The following ACBD5 variants were observed in gnomAD, a reference collection of about 807,000 sequenced individuals.
ACBD5 encodes acyl-CoA binding domain containing 5, also known as acyl-CoA-binding domain-containing protein 5.
Under a neutral mutation model 71.8 loss-of-function variants are expected in ACBD5, and 40 were observed. That is an observed-to-expected ratio of 0.56 (90% CI 0.43 to 0.72). The LOEUF (loss-of-function observed/expected upper bound fraction) is 0.72, where lower values mean the gene tolerates loss of function less well. ACBD5 is among the 30% of genes least tolerant of loss of function. ACBD5 has a pLI of 0.00. For synonymous variants in ACBD5, 229 were observed against 218.6 expected (o/e 1.05, Z -0.42); for missense variants, 559 against 644.5 (o/e 0.87, Z 1.44).
At chr10:27,216,721 T>C (rs1320052415) in intron 7 of ACBD5, among the ~76,000 whole-genome samples, 1 of 152,200 alleles carries the variant, frequency 6.6e-6, no homozygotes, top group African/African-American at 2.4e-5. Context: ...AAATATTTTA[T>C]CATTGAATTC....
chr10:27,219,646 A>G, intron 6 of ACBD5, 77 bp downstream of exon 6: 1 of 1,581,548 alleles, frequency 6.3e-7, no homozygotes, highest in East Asian at 2.3e-5. Flanking sequence ...CTTCTACAAT[A>G]CCAAATCAGC....
At position 27,196,260 on chromosome 10, in the gene ACBD5, AT is replaced by A. The variant is rs1367037910; in HGVS notation, c.*1169del. The A allele has an allele frequency of 2.2e-6, 1 of 454,114 alleles. No homozygotes were observed. 28.1% of individuals were successfully genotyped at this position (454,114 alleles called of 1,614,324 possible). A position where few individuals can be genotyped will look rare whatever the true frequency, so the allele number is the denominator to read the frequency against. On this transcript the variant is annotated 3_prime_UTR_variant, in exon 13 of 13. Transcript: ENST00000396271. ...AAGAAATCTTCAAAGCACAAGGTAC[AT>A]CTAAGTGAGCAGGAAGTTTTGGAAG...
At chr10:27,224,342 G>A (rs2062745107) in intron 4 of ACBD5, among the ~76,000 whole-genome samples, 1 of 152,046 alleles carries the variant, frequency 6.6e-6, no homozygotes, top group African/African-American at 2.4e-5. Context: ...ACACCACACT[G>A]CACTCCAGCC....
At chr10:27,226,959 G>T (rs143864732) in intron 4 of ACBD5, among the ~76,000 whole-genome samples, 1 of 146,428 alleles carries the variant, frequency 6.8e-6, no homozygotes, top group African/African-American at 2.5e-5. Context: ...GAGCCACTGC[G>T]CCTGGCCCAA....
At chr10:27,218,283 A>G in intron 6 of ACBD5, 100 bp from the exon 7 acceptor site, 1 of 967,720 alleles carries the variant, frequency 1.0e-6, no homozygotes. Context: ...AACCTACCAC[A>G]ATCCCTTTGA....
Position 27,240,232 on chromosome 10 carries a change from A to T in ACBD5, c.181+87T>A, listed in dbSNP as rs1441096839. Reference sequence around the variant, plus strand: ...TGGCTCCTACACAGAAAAAAAGGCTAAATAAACAACACTAGAACCAGAAAG... The same window carrying T: ...TGGCTCCTACACAGAAAAAAAGGCTTAATAAACAACACTAGAACCAGAAAG... On this transcript the variant is annotated intron_variant, in intron 2 of 12. Coordinates refer to ENST00000396271, the MANE Select transcript of ACBD5 (RefSeq NM_145698.5). The surrounding 1 kb of genome is among the most constrained non-coding windows in gnomAD (Gnocchi z 4.1). The T allele has an allele frequency of 9.3e-6, 15 of 1,607,292 alleles. No individual in the cohort carries two copies. The highest frequency in any genetic ancestry group is 1.3e-5 in the Non-Finnish European group (15 of 1,177,342).
Position 27,231,788 on chromosome 10 carries a change from T to G in ACBD5, c.335A>C (p.Lys112Thr). The stretch of plus-strand genomic sequence containing the variant: ...AACATATGCAATCATGGCTTCCTCT[T>G]TGGTCATATCACCCAGTGAACTCCA... ...DAWSSLGDMT[K>T]EEAMIAYVEE... Residue 112 changes from lysine to threonine, a missense_variant, in exon 4 of 13, where the codon AAA (lysine) becomes ACA (threonine). Physicochemically the swap from Lys to Thr is moderately conservative, Grantham distance 78. Coordinates refer to ENST00000396271, the MANE Select transcript of ACBD5 (RefSeq NM_145698.5). 6.2e-7 allele frequency: 1 copy of G among 1,613,846 alleles called. No homozygotes were observed. The highest frequency in any genetic ancestry group is 1.1e-5 in the South Asian group (1 of 91,084).
At chr10:27,186,449 C>G in intron 13 of ACBD5, 1 of 1,614,032 alleles carries the variant, frequency 6.2e-7, no homozygotes, top group Non-Finnish European at 8.5e-7. Flanking sequence ...TGCCTTTCAT[C>G]CCCCAGCCAG....
At chr10:27,217,784 C>A (rs1183930534) in intron 7 of ACBD5, among the ~76,000 whole-genome samples, 196 bp downstream of exon 7, 2 of 152,136 alleles carry the variant, frequency 1.3e-5, no homozygotes, top group Non-Finnish European at 2.9e-5. Flanking sequence ...CCAGCCTGGG[C>A]AACAGAAAGA....
At chr10:27,233,057 T>G (rs1192865670) in intron 3 of ACBD5, among the ~76,000 whole-genome samples, 2 of 152,164 alleles carry the variant, frequency 1.3e-5, no homozygotes, top group African/African-American at 4.8e-5. Context: ...TAAGAAATCT[T>G]AAAACAAGCT....
chr10:27,217,540 G>C (rs537730869), intron 7 of ACBD5, among the ~76,000 whole-genome samples: 72 of 151,242 alleles, frequency 4.8e-4, no homozygotes, highest in Non-Finnish European at 2.7e-4. Context: ...AAATAAGCCA[G>C]TGCATGGCTC....
At position 27,199,063 on chromosome 10, in the gene ACBD5, C is replaced by G. The variant is rs1043953169; in HGVS notation, c.1566-1621G>C. Among the ~76,000 whole-genome samples, 4 of 151,346 alleles carry G rather than the reference C, an allele frequency of 2.6e-5. No homozygotes were observed. In the South Asian group the frequency reaches 6.4e-4, roughly 24 times the overall value. On this transcript the variant is annotated intron_variant, in intron 12 of 12. Coordinates refer to ENST00000396271, the MANE Select transcript of ACBD5 (RefSeq NM_145698.5). ...GGCGGAGGTTGCAGTGAGCTGAGAT[C>G]GGGCCACTGCACTCCAGCCTAGGTG...
In ACBD5 at chr10:27,228,815, A is replaced by ATT. The variant is rs1167438554; in HGVS notation, c.375+2931_375+2932dup. Among the ~76,000 whole-genome samples, 35 of 20,366 alleles carry ATT rather than the reference A, an allele frequency of 1.7e-3. 1 individual carries two copies. Among genetic ancestry groups the ATT allele is most frequent in the African/African-American group, 3.3e-3 (28 of 8,574 alleles). The allele number at this position is 20,366 out of a possible 152,430, so 13.4% of individuals were successfully genotyped here. On this transcript the variant is annotated intron_variant, in intron 4 of 12. Coordinates refer to ENST00000396271, the MANE Select transcript of ACBD5 (RefSeq NM_145698.5). The stretch of plus-strand genomic sequence containing the variant: ...TTTATATATATATATATATATATAT[A>ATT]TTTTTTTTTTTTTTTTTTTTTTTGA...
chr10:27,231,709 C>T (rs2063887592), intron 4 of ACBD5, 39 bp downstream of exon 4: 2 of 1,575,814 alleles, frequency 1.3e-6, no homozygotes, highest in South Asian at 1.1e-5. Context: ...ATTAGAGCTG[C>T]TCTGAATTTT....
chr10:27,240,993 G>C, upstream of ACBD5: 1 of 556,242 alleles, frequency 1.8e-6, no homozygotes, highest in South Asian at 2.1e-5. This position sits in a 1 kb window ranked among gnomAD's most constrained non-coding sequence, Gnocchi z 4.1. Flanking sequence ...CTTGGTGCGG[G>C]GAGCACACTG....
Position 27,220,187 on chromosome 10 carries a change from G to C in ACBD5, c.491-330C>G, listed in dbSNP as rs788214. On this transcript the variant is annotated intron_variant, in intron 5 of 12. Transcript: ENST00000396271. ...TGAAGAGATACTTCCTATATGCTAGGATGCTGAAAACAAAAATATGTTTTT... is the reference window on the plus strand; with the variant it reads ...TGAAGAGATACTTCCTATATGCTAGCATGCTGAAAACAAAAATATGTTTTT... 0.95 allele frequency among the ~76,000 whole-genome samples: 145,389 copies of C among 152,258 alleles called. 69,473 individuals are homozygous for C. The highest frequency in any genetic ancestry group is 1 in the East Asian group (5,168 of 5,184).
At chr10:27,195,173 C>A, downstream of ACBD5, 1 of 350,056 alleles carries the variant, frequency 2.9e-6, no homozygotes, top group Non-Finnish European at 5.5e-6. Context: ...TGAATTCTTA[C>A]CTAATCAATG....
intron 4 of ACBD5, among the ~76,000 whole-genome samples, chr10:27,229,855 G>A (rs186885853): frequency 4.6e-5 from 7 of 152,266 alleles, no homozygotes; most frequent in African/African-American, 1.7e-4. Context: ...TTTTTAAAGT[G>A]TGAATGAAAA....
intron 12 of ACBD5, among the ~76,000 whole-genome samples, chr10:27,200,765 T>C (rs2136626169): frequency 6.6e-6 from 1 of 152,300 alleles, no homozygotes; most frequent in Admixed American, 6.5e-5. Context: ...GGCCTATTCC[T>C]CTACTTTCTT....
Sources: gnomAD v4.1 joint callset for allele counts (sites outside exome capture counted in the v4.1 genomes callset) on GRCh38, gnomAD v4.1.1 for gene constraint, Gnocchi (gnomAD v3.1) non-coding constraint, MANE v1.5 for transcripts, NCBI Gene and HGNC (gene_info 2026-07-23, HGNC 2026-07-21) for gene names.